OSBPL10: variants seen among roughly 807,000 people sequenced by gnomAD.
OSBPL10 encodes oxysterol binding protein like 10.
Under a neutral mutation model 81.7 loss-of-function variants are expected in OSBPL10, and 49 were observed. The ratio of observed to expected loss-of-function variants is 0.60; its 90% confidence interval spans 0.48 to 0.76. The LOEUF is 0.76. Ranked by LOEUF, OSBPL10 falls within the 30% of genes least tolerant of loss-of-function variation. OSBPL10 has a pLI of 0.00. For missense variants in OSBPL10, 923 were observed against 987.8 expected (o/e 0.93, Z 0.88); for synonymous variants, 419 against 383.6 (o/e 1.09, Z -1.08).
At chr3:32,055,264 C>T (rs913770613) in intron 1 of OSBPL10, among the ~76,000 whole-genome samples, 6 of 114,498 alleles carry the variant, frequency 5.2e-5, no homozygotes, top group African/African-American at 6.8e-5. Context: ...AGTGCAGTGG[C>T]GGGATCTCGG....
At position 32,023,787 on chromosome 3, in the gene OSBPL10, A is replaced by G. The variant is rs150107342; in HGVS notation, n.298+22704T>C. 9.9e-3 allele frequency among the ~76,000 whole-genome samples: 1,512 copies of G among 152,364 alleles called. 20 individuals carry two copies. The highest frequency in any genetic ancestry group is 0.034 in the African/African-American group (1,431 of 41,584). ...TCAGTGGATACCTGAAACTGCAGAT[A>G]GTACAGAACCCTATACATTCTATGT... is the stretch of plus-strand genomic sequence containing the variant. On this transcript the variant is annotated intron_variant and non_coding_transcript_variant, in intron 2 of 3. Coordinates refer to the OSBPL10 transcript ENST00000479173.
chr3:32,053,672 T>A (rs940319078), intron 1 of OSBPL10, among the ~76,000 whole-genome samples: 1 of 152,134 alleles, frequency 6.6e-6, no homozygotes, highest in African/African-American at 2.4e-5. Context: ...GATTTTCATG[T>A]AATATTAAAA....
At chr3:31,875,476 C>T (rs532706998) in intron 3 of OSBPL10, among the ~76,000 whole-genome samples, 30 of 150,482 alleles carry the variant, frequency 2.0e-4, no homozygotes, top group South Asian at 1.3e-3. Context: ...CCTGAAGATT[C>T]GGCTTAGGGC....
At chr3:31,891,373 G>A (rs983407471) in intron 1 of OSBPL10, among the ~76,000 whole-genome samples, 10 of 152,128 alleles carry the variant, frequency 6.6e-5, no homozygotes, top group Non-Finnish European at 7.3e-5. Flanking sequence ...GATGCTGCTG[G>A]TAGGACCACA....
chr3:31,742,675 T>A (rs1166701653), intron 5 of OSBPL10, among the ~76,000 whole-genome samples: 1 of 152,184 alleles, frequency 6.6e-6, no homozygotes, highest in Non-Finnish European at 1.5e-5. Context: ...CTGCCCGAAC[T>A]CAAACCATGT....
intron 3 of OSBPL10, among the ~76,000 whole-genome samples, chr3:31,864,062 G>A (rs1701118398): frequency 2.0e-5 from 3 of 152,186 alleles, no homozygotes; most frequent in African/African-American, 7.2e-5. Flanking sequence ...AGATGCAGAG[G>A]ATGCAGTATG....
chr3:31,670,673 G>C, intron 9 of OSBPL10, 124 bp downstream of exon 9: 1 of 1,145,612 alleles, frequency 8.7e-7, no homozygotes, highest in Non-Finnish European at 1.2e-6. Context: ...TTTTGGAAAA[G>C]ACCTTAACAA....
At chr3:31,825,514 G>A (rs1041162588) in intron 4 of OSBPL10, among the ~76,000 whole-genome samples, 5 of 152,084 alleles carry the variant, frequency 3.3e-5, no homozygotes, top group African/African-American at 1.2e-4. Context: ...TTGAAATGGA[G>A]TCTGTGTTGC....
At chr3:31,769,946 G>T (rs1698326542) in intron 4 of OSBPL10, among the ~76,000 whole-genome samples, 1 of 152,146 alleles carries the variant, frequency 6.6e-6, no homozygotes, top group Non-Finnish European at 1.5e-5. Flanking sequence ...ATCTCAATGG[G>T]TTTTTCAAGG....
chr3:31,689,598 G>A (rs137905641), intron 7 of OSBPL10, among the ~76,000 whole-genome samples: 14,684 of 152,180 alleles, frequency 0.096, 2,388 homozygotes, highest in African/African-American at 0.33. Flanking sequence ...CCCACGTGTC[G>A]TGGGAGGGAC....
rs949567383 is a variant in OSBPL10 at position 31,830,062 on chromosome 3, C to T, written c.707G>A (p.Gly236Asp). Residue 236 changes from glycine (G) to aspartate (D), a missense_variant, in exon 4 of 12, where the codon GGC (glycine) becomes GAC (aspartate). This residue lies in a region of OSBPL10 where 514 missense variants were observed against 508.0 expected (regional missense o/e 1.01). Transcript: ENST00000396556. ...AARRAKSQYS[G>D]QLHEVREMMN... ...TACCTCTCTGACTTCGTGAAGCTGG[C>T]CGGAATACTGACTCTTGGCTCTTCG... is the stretch of plus-strand genomic sequence containing the variant. 7 of 1,613,208 alleles carry T rather than the reference C, an allele frequency of 4.3e-6. No homozygotes were observed. Among genetic ancestry groups the T allele is most frequent in the Non-Finnish European group, 5.1e-6 (6 of 1,179,868 alleles).
Position 31,675,925 on chromosome 3 carries a change from G to A in OSBPL10, c.1727-4942C>T, listed in dbSNP as rs1246665937. Among the ~76,000 whole-genome samples the A allele has an allele frequency of 1.6e-4, 22 of 133,992 alleles. 1 individual carries two copies. The East Asian group carries it at 4.6e-3, about 28-fold the overall frequency. The allele number at this position is 133,992 out of a possible 152,430, so 87.9% of individuals were successfully genotyped here. On this transcript the variant is annotated intron_variant, in intron 8 of 11. Coordinates refer to ENST00000396556, the MANE Select transcript of OSBPL10 (RefSeq NM_017784.5). ...TGCGCCACTGCACTGCAGCCTGGGC[G>A]ACAGAGCGAGACTCCATCTCAAAAA...
chr3:31,905,009 G>A (rs1274285520), intron 1 of OSBPL10, among the ~76,000 whole-genome samples: 1 of 152,174 alleles, frequency 6.6e-6, no homozygotes, highest in Non-Finnish European at 1.5e-5. Flanking sequence ...CAAAGGAATC[G>A]AGTAATAGAA....
intron 4 of OSBPL10, among the ~76,000 whole-genome samples, chr3:31,802,967 CCTT>C (rs1699422833): frequency 2.0e-5 from 2 of 102,234 alleles, no homozygotes; most frequent in Admixed American, 1.2e-4. Context: ...GGTATTGGGT[CCTT>C]TTTTTTTTTT....
chr3:31,748,169 A>G (rs1025843615), intron 4 of OSBPL10, 49 bp from the exon 5 acceptor site: 41 of 1,529,996 alleles, frequency 2.7e-5, no homozygotes, highest in African/African-American at 8.2e-5. Flanking sequence ...AGTTCTTTCG[A>G]CAGGCTGGGG....
chr3:31,794,657 A>C, intron 4 of OSBPL10: 1 of 315,474 alleles, frequency 3.2e-6, no homozygotes, highest in South Asian at 4.0e-5. Context: ...GTGAAAGATG[A>C]AGAGGCACCA....
Position 31,669,916 on chromosome 3 carries a change from A to C in OSBPL10, c.1913+881T>G, listed in dbSNP as rs191132377. Among the ~76,000 whole-genome samples, 572 of 152,330 alleles carry C rather than the reference A, an allele frequency of 3.8e-3. 5 individuals are homozygous for C. Among genetic ancestry groups the C allele is most frequent in the African/African-American group, 0.013 (546 of 41,588 alleles). On this transcript the variant is annotated intron_variant, in intron 9 of 11. Coordinates refer to ENST00000396556, the MANE Select transcript of OSBPL10 (RefSeq NM_017784.5). ...AGAGGCTCACAGGCAGGTATGAGGC[A>C]TCTTCTGGATTGCACACAGTGGAAA...
chr3:31,892,320 TGCGCCTACAAG>T (rs1218001909), intron 1 of OSBPL10, among the ~76,000 whole-genome samples: 3 of 152,178 alleles, frequency 2.0e-5, no homozygotes, highest in African/African-American at 7.2e-5. Context: ...CAAACCATGC[TGCGCCTACAAG>T]GCGTGGCGGG....
chr3:31,972,646 A>G (rs1255045553), intron 1 of OSBPL10, among the ~76,000 whole-genome samples: 7 of 152,142 alleles, frequency 4.6e-5, no homozygotes, highest in Non-Finnish European at 1.0e-4. Context: ...CCACTTTCCA[A>G]AAAACGTCCA....
Sources: allele counts gnomAD v4.1 joint callset (sites outside exome capture counted in the v4.1 genomes callset), GRCh38; gene constraint gnomAD v4.1.1; regional missense constraint gnomAD v4.1.1; transcripts MANE v1.5; gene names NCBI Gene and HGNC (gene_info 2026-07-23, HGNC 2026-07-21).